SPATA16: variants seen among roughly 807,000 people sequenced by gnomAD.
SPATA16 encodes spermatogenesis-associated protein 16.
Under a neutral mutation model 63.3 loss-of-function variants are expected in SPATA16, and 36 were observed. The observed-to-expected ratio is 0.57, with a 90% CI of 0.44 to 0.75. The LOEUF (loss-of-function observed/expected upper bound fraction) is 0.75. SPATA16 is among the 30% of genes least tolerant of loss of function. SPATA16 has a pLI of 0.00. For synonymous variants in SPATA16, 203 were observed against 216.7 expected (o/e 0.94, Z 0.56); for missense variants, 646 against 679.3 (o/e 0.95, Z 0.54).
chr3:173,136,253 C>T (rs1738542210), intron 1 of SPATA16, among the ~76,000 whole-genome samples: 1 of 152,180 alleles, frequency 6.6e-6, no homozygotes, highest in Non-Finnish European at 1.5e-5. Context: ...GGGTTCCAAA[C>T]ACCAGGGCAA....
At chr3:172,889,716 C>A (rs1350150909) in intron 10 of SPATA16, 24 bp from the exon 11 acceptor site, 1 of 1,610,632 alleles carries the variant, frequency 6.2e-7, no homozygotes, top group South Asian at 1.1e-5. Flanking sequence ...ACAGATGCAA[C>A]AAGATTTGTT....
chr3:172,905,883 C>T (rs1577083752), intron 10 of SPATA16, among the ~76,000 whole-genome samples: 1 of 152,172 alleles, frequency 6.6e-6, no homozygotes, highest in African/African-American at 2.4e-5. Flanking sequence ...AAAGTATATG[C>T]TGGAGCACTT....
At chr3:173,000,367 T>C (rs1396863336) in intron 4 of SPATA16, among the ~76,000 whole-genome samples, 1 of 152,240 alleles carries the variant, frequency 6.6e-6, no homozygotes, top group African/African-American at 2.4e-5. Context: ...GTGATTTTTT[T>C]TCTCTCAATA....
At chr3:173,067,494 A>G (rs981969319) in intron 2 of SPATA16, among the ~76,000 whole-genome samples, 1 of 152,168 alleles carries the variant, frequency 6.6e-6, no homozygotes, top group Admixed American at 6.5e-5. Flanking sequence ...GTTGTGCACT[A>G]TTCTAATTAC....
chr3:172,992,745 C>T (rs948099591), intron 4 of SPATA16, among the ~76,000 whole-genome samples: 1 of 151,940 alleles, frequency 6.6e-6, no homozygotes, highest in African/African-American at 2.4e-5. Context: ...GACTCAAGGC[C>T]CTGCCCAAAT....
intron 2 of SPATA16, among the ~76,000 whole-genome samples, chr3:173,051,113 CAAAT>C (rs1736079518): frequency 6.6e-6 from 1 of 152,138 alleles, no homozygotes; most frequent in Admixed American, 6.5e-5. Flanking sequence ...CTATAAAACA[CAAAT>C]AAATAGAAAA....
intron 6 of SPATA16, among the ~76,000 whole-genome samples, chr3:172,941,751 A>G (rs1340879989): frequency 2.0e-5 from 3 of 152,204 alleles, no homozygotes; most frequent in African/African-American, 7.2e-5. Flanking sequence ...AGACATGTGT[A>G]TATAATAATT....
chr3:173,018,273 ATT>A (rs72021279), intron 4 of SPATA16, among the ~76,000 whole-genome samples: 41 of 137,632 alleles, frequency 3.0e-4, no homozygotes, highest in African/African-American at 5.9e-4. Flanking sequence ...CACAATGTCA[ATT>A]TTTTTTTTTT....
chr3:173,002,871 A>G (rs192102774), intron 4 of SPATA16, among the ~76,000 whole-genome samples: 1 of 152,332 alleles, frequency 6.6e-6, no homozygotes, highest in East Asian at 1.9e-4. Flanking sequence ...TGAAAACTTG[A>G]TAGCAGATTC....
chr3:172,982,501 A>C (rs538140083), intron 4 of SPATA16, among the ~76,000 whole-genome samples: 1 of 152,322 alleles, frequency 6.6e-6, no homozygotes, highest in East Asian at 1.9e-4. Context: ...CCTGCAAGGA[A>C]ATGTTCACAT....
chr3:173,053,461 T>C (rs1200542919), intron 2 of SPATA16, among the ~76,000 whole-genome samples: 1 of 152,160 alleles, frequency 6.6e-6, no homozygotes, highest in African/African-American at 2.4e-5. Context: ...TTTCTCAAAG[T>C]TCTTTTAAGA....
chr3:173,138,552 T>G (rs1022761223), intron 1 of SPATA16, among the ~76,000 whole-genome samples: 5 of 152,176 alleles, frequency 3.3e-5, no homozygotes, highest in African/African-American at 1.2e-4. Flanking sequence ...CTTATTTAGG[T>G]AAATCTAAAA....
At chr3:172,976,844 T>C (rs1224776459) in intron 5 of SPATA16, 124 bp downstream of exon 5, 1 of 770,680 alleles carries the variant, frequency 1.3e-6, no homozygotes, top group Admixed American at 2.0e-5. Flanking sequence ...TATTATTCAG[T>C]ACCTTCTTTC....
intron 10 of SPATA16, among the ~76,000 whole-genome samples, chr3:172,911,323 G>C (rs1732367811): frequency 6.6e-6 from 1 of 152,130 alleles, no homozygotes; most frequent in Non-Finnish European, 1.5e-5. Flanking sequence ...TAACCTCAGG[G>C]ACACCAGTAC....
At chr3:173,077,961 AC>A (rs1418292160) in intron 2 of SPATA16, among the ~76,000 whole-genome samples, 1 of 152,134 alleles carries the variant, frequency 6.6e-6, no homozygotes, top group African/African-American at 2.4e-5. Context: ...AGGGAAGAAA[AC>A]CCATGAGGAA....
intron 4 of SPATA16, among the ~76,000 whole-genome samples, chr3:173,013,075 C>A (rs1422614769): frequency 6.6e-6 from 1 of 151,922 alleles, no homozygotes; most frequent in Non-Finnish European, 1.5e-5. Flanking sequence ...AACAAGCAAA[C>A]CACAATAAAA....
At chr3:172,919,256 G>A (rs1312832240) in intron 8 of SPATA16, among the ~76,000 whole-genome samples, 2 of 152,182 alleles carry the variant, frequency 1.3e-5, no homozygotes, top group Admixed American at 1.3e-4. Flanking sequence ...TTAATGAATG[G>A]AAAAGTATAG....
At chr3:173,069,735 A>G (rs1017974855) in intron 2 of SPATA16, among the ~76,000 whole-genome samples, 1 of 152,228 alleles carries the variant, frequency 6.6e-6, no homozygotes, top group Non-Finnish European at 1.5e-5. Context: ...AAAAATCCTC[A>G]ACAAAATAAT....
At chr3:172,970,390 A>G (rs1441076122) in intron 5 of SPATA16, among the ~76,000 whole-genome samples, 2 of 152,172 alleles carry the variant, frequency 1.3e-5, no homozygotes, top group African/African-American at 4.8e-5. Context: ...AGACTAAGAA[A>G]GCTCAAATAA....
Sources: allele counts gnomAD v4.1 joint callset (sites outside exome capture counted in the v4.1 genomes callset), GRCh38; gene constraint gnomAD v4.1.1; transcripts MANE v1.5; gene names NCBI Gene and HGNC (gene_info 2026-07-23, HGNC 2026-07-21).